The following SH3RF2 variants were observed in gnomAD, a reference collection of about 807,000 sequenced individuals.
SH3RF2 encodes the protein E3 ubiquitin-protein ligase SH3RF2.
In SH3RF2, 43 loss-of-function variants were observed where a neutral mutation model predicts 59.0. The ratio of observed to expected loss-of-function variants is 0.73; its 90% confidence interval spans 0.57 to 0.94. The LOEUF (loss-of-function observed/expected upper bound fraction) is 0.94, where lower values mean the gene tolerates loss of function less well. SH3RF2 is among the 40% of genes least tolerant of loss of function. SH3RF2 has a pLI of 0.00. For missense variants in SH3RF2, 930 were observed against 940.1 expected, an observed-to-expected ratio of 0.99 and a Z score of 0.14; for synonymous variants, 391 against 391.5, an observed-to-expected ratio of 1.00 and a Z score of 0.01.
chr5:146,069,258 T>C (rs1431442394), intron 9 of SH3RF2, among the ~76,000 whole-genome samples: 1 of 152,228 alleles, frequency 6.6e-6, no homozygotes, highest in East Asian at 1.9e-4. Context: ...GTTTTGAGAA[T>C]TTCTGGTTTG....
At chr5:146,061,002 C>T (rs145312566) in intron 9 of SH3RF2, among the ~76,000 whole-genome samples, 168 of 152,284 alleles carry the variant, frequency 1.1e-3, no homozygotes, top group African/African-American at 3.9e-3. Flanking sequence ...CACATCATCG[C>T]CATCACCACC....
intron 9 of SH3RF2, among the ~76,000 whole-genome samples, chr5:146,073,798 G>A (rs1018846812): frequency 5.9e-5 from 9 of 152,142 alleles, no homozygotes; most frequent in Non-Finnish European, 1.2e-4. Context: ...AAAGAAGCAG[G>A]AGAATTTCTA....
At chr5:145,957,229 T>G (rs1258939815) in intron 2 of SH3RF2, among the ~76,000 whole-genome samples, 1 of 152,192 alleles carries the variant, frequency 6.6e-6, no homozygotes, top group Non-Finnish European at 1.5e-5. Context: ...GATCTTGAAT[T>G]ACAAAATATT....
chr5:146,005,286 T>C (rs1324344522), intron 4 of SH3RF2, among the ~76,000 whole-genome samples: 1 of 152,162 alleles, frequency 6.6e-6, no homozygotes, highest in Non-Finnish European at 1.5e-5. Flanking sequence ...ATTACATATT[T>C]AAAAGAGAGG....
chr5:146,020,813 G>C (rs752227405), intron 5 of SH3RF2, among the ~76,000 whole-genome samples: 8 of 152,022 alleles, frequency 5.3e-5, no homozygotes, highest in Non-Finnish European at 1.2e-4. Flanking sequence ...AAAAAGGTGG[G>C]GGTCACTTAA....
At position 146,000,340 on chromosome 5, in the gene SH3RF2, G is replaced by C; in HGVS notation, c.648+13G>C. On this transcript the variant is annotated intron_variant, in intron 3 of 9. Coordinates refer to ENST00000359120, the MANE Select transcript of SH3RF2 (RefSeq NM_152550.4). ...GACCTTCCTCAAGGTAGGATTCTGG[G>C]TGGCCACCAGAGTCACCTGGGACCA... is the stretch of plus-strand genomic sequence containing the variant. 1 of 1,609,864 alleles carries C rather than the reference G, an allele frequency of 6.2e-7. No individual in the cohort carries two copies. The highest frequency in any genetic ancestry group is 8.5e-7 in the Non-Finnish European group (1 of 1,178,752).
intron 5 of SH3RF2, among the ~76,000 whole-genome samples, chr5:146,036,428 C>T (rs1186207878): frequency 1.3e-5 from 2 of 152,138 alleles, no homozygotes; most frequent in Admixed American, 6.5e-5. Context: ...GGCATGGTGG[C>T]TCACGCCTGT....
Position 146,062,719 on chromosome 5 carries a change from C to T in SH3RF2, c.*18C>T. 6.2e-7 allele frequency: 1 copy of T among 1,605,620 alleles called. No individual in the cohort carries two copies. The highest frequency in any genetic ancestry group is 8.5e-7 in the Non-Finnish European group (1 of 1,174,492). Reference sequence around the variant, plus strand: ...GCAAATGAACCTACGGGTGGCTTTTCCTAGACCCCAAAGAGGTGAATTGCA... The same window carrying T: ...GCAAATGAACCTACGGGTGGCTTTTTCTAGACCCCAAAGAGGTGAATTGCA... On this transcript the variant is annotated 3_prime_UTR_variant, in exon 10 of 10. Coordinates refer to ENST00000359120, the MANE Select transcript of SH3RF2 (RefSeq NM_152550.4).
chr5:146,054,992 C>T (rs1020685326), intron 7 of SH3RF2, among the ~76,000 whole-genome samples: 5 of 152,176 alleles, frequency 3.3e-5, no homozygotes, highest in African/African-American at 9.7e-5. Context: ...GCAAGAAAGG[C>T]ATGTAAAATG....
chr5:146,015,446 T>C (rs1186916154), intron 5 of SH3RF2, among the ~76,000 whole-genome samples: 1 of 152,100 alleles, frequency 6.6e-6, no homozygotes, highest in Non-Finnish European at 1.5e-5. Flanking sequence ...CCCAAAGTTC[T>C]CCTTCACACA....
At chr5:146,072,782 A>C (rs1273752273) in intron 9 of SH3RF2, among the ~76,000 whole-genome samples, 1 of 152,214 alleles carries the variant, frequency 6.6e-6, no homozygotes, top group Non-Finnish European at 1.5e-5. Context: ...CTAAGAGCCC[A>C]GTAGAGTCAG....
chr5:145,997,569 T>C, intron 2 of SH3RF2: 1 of 1,608,336 alleles, frequency 6.2e-7, no homozygotes, highest in Non-Finnish European at 8.5e-7. Flanking sequence ...GGTTTCAGGA[T>C]TGGTGGGCTT....
rs116606707 is a variant in SH3RF2, at chr5:145,991,255, C to T, written c.379-8803C>T. On this transcript the variant is annotated intron_variant, in intron 2 of 9. Coordinates refer to ENST00000359120, the MANE Select transcript of SH3RF2 (RefSeq NM_152550.4). Reference sequence around the variant, plus strand: ...TGTGACCTTGTTTGGTGACATTTCCCATATCAGAACTTCTGTTTCCTCATC... The same window carrying T: ...TGTGACCTTGTTTGGTGACATTTCCTATATCAGAACTTCTGTTTCCTCATC... Among the ~76,000 whole-genome samples, 671 of 152,246 alleles carry T rather than the reference C, an allele frequency of 4.4e-3. 12 individuals carry two copies. The highest frequency in any genetic ancestry group is 0.015 in the African/African-American group (606 of 41,536).
At chr5:146,032,932 C>T (rs544790264) in intron 5 of SH3RF2, among the ~76,000 whole-genome samples, 1 of 152,256 alleles carries the variant, frequency 6.6e-6, no homozygotes, top group Admixed American at 6.5e-5. Context: ...GAGCCAGCAC[C>T]ACCTGATTCT....
chr5:145,977,307 G>A lies in SH3RF2; in HGVS notation c.379-22751G>A, dbSNP rs1223417325. Among the ~76,000 whole-genome samples, 3 of 152,322 alleles carry A rather than the reference G, an allele frequency of 2.0e-5. No homozygotes were observed. The East Asian group carries it at 5.8e-4, about 29-fold the overall frequency. On this transcript the variant is annotated intron_variant, in intron 2 of 9. Coordinates refer to ENST00000359120, the MANE Select transcript of SH3RF2 (RefSeq NM_152550.4). ...ATTTTTCCACAGACCATGAGGAAGGGAACTAACAGTCACTGAACACCAATC... is the reference window on the plus strand; with the variant it reads ...ATTTTTCCACAGACCATGAGGAAGGAAACTAACAGTCACTGAACACCAATC...
At chr5:145,952,968 C>T (rs988832010) in intron 2 of SH3RF2, among the ~76,000 whole-genome samples, 1 of 152,098 alleles carries the variant, frequency 6.6e-6, no homozygotes. Flanking sequence ...TTAAGAGCTG[C>T]CCCCAAAGGC....
intron 2 of SH3RF2, among the ~76,000 whole-genome samples, chr5:145,989,166 G>T (rs72818449): frequency 6.6e-6 from 1 of 152,212 alleles, no homozygotes; most frequent in African/African-American, 2.4e-5. Context: ...TCTGAAAAGC[G>T]AGTCAGCAAA....
At position 145,937,997 on chromosome 5, in the gene SH3RF2, C is replaced by T. The variant is rs747698609; in HGVS notation, c.69C>T (p.Ala23=). The T allele has an allele frequency of 5.6e-6, 9 of 1,614,220 alleles. No homozygotes were observed. The highest frequency in any genetic ancestry group is 7.6e-6 in the Non-Finnish European group (9 of 1,180,028). ...PVCFEKLDVT[A]KVLPCQHTFC... is the part of the protein sequence containing the mutation. ...GCTTTGAGAAGCTCGATGTCACAGCCAAAGTCCTCCCTTGCCAGCACACCT... is the reference window on the plus strand; with the variant it reads ...GCTTTGAGAAGCTCGATGTCACAGCTAAAGTCCTCCCTTGCCAGCACACCT... The change falls in exon 2 of 10, where the codon GCC becomes GCT. Residue 23 remains alanine (A), a synonymous_variant. Coordinates refer to ENST00000359120, the MANE Select transcript of SH3RF2 (RefSeq NM_152550.4).
In SH3RF2 at chr5:145,956,424, C is replaced by T. The variant is rs577692189; in HGVS notation, c.378+18118C>T. ...CCGAGTAGCTGGGATTACAGGTGTG[C>T]GCCACCACACCCAGCTAATTTTTGT... On this transcript the variant is annotated intron_variant, in intron 2 of 9. Transcript: ENST00000359120. 6.6e-4 allele frequency among the ~76,000 whole-genome samples: 100 copies of T among 152,108 alleles called. 1 individual carries two copies. Among genetic ancestry groups the T allele is most frequent in the African/African-American group, 2.2e-3 (92 of 41,512 alleles).
Sources: allele counts gnomAD v4.1 joint callset (sites outside exome capture counted in the v4.1 genomes callset), GRCh38; gene constraint gnomAD v4.1.1; transcripts MANE v1.5; gene names NCBI Gene and HGNC (gene_info 2026-07-23, HGNC 2026-07-21).